The following TEX10 variants were observed in gnomAD, a reference collection of about 807,000 sequenced individuals.
TEX10 encodes testis-expressed protein 10.
A neutral mutation model predicts 104.4 loss-of-function variants in TEX10; 24 were observed. That is an observed-to-expected ratio of 0.23 (90% confidence interval 0.17 to 0.32). TEX10 has a LOEUF of 0.32. Among genes scored for constraint, TEX10 ranks in the 10% least tolerant of loss-of-function variants. The probability of loss-of-function intolerance (pLI) is 1.00; values close to 1 mark genes in which losing one functional copy is unlikely to be tolerated. For missense variants in TEX10, 921 were observed against 1,083.9 expected, an observed-to-expected ratio of 0.85 and a Z score of 2.11; for synonymous variants, 396 against 393.4, an observed-to-expected ratio of 1.01 and a Z score of -0.08.
intron 4 of TEX10, among the ~76,000 whole-genome samples, chr9:100,343,763 TAC>T (rs1835232115): frequency 6.6e-6 from 1 of 152,176 alleles, no homozygotes; most frequent in African/African-American, 2.4e-5. Context: ...GAAAAATCTA[TAC>T]AGTTTCTGAG....
At chr9:100,311,583 A>G (rs1451511574) in intron 11 of TEX10, among the ~76,000 whole-genome samples, 1 of 152,236 alleles carries the variant, frequency 6.6e-6, no homozygotes, top group Non-Finnish European at 1.5e-5. Context: ...GAAATGTATC[A>G]CAGAAAAATA....
intron 11 of TEX10, among the ~76,000 whole-genome samples, chr9:100,314,646 T>C (rs181592380): frequency 6.6e-6 from 1 of 152,194 alleles, no homozygotes. Flanking sequence ...CTATCAATCT[T>C]ATCATTTTGA....
In TEX10 at chr9:100,352,877, G is replaced by C; in HGVS notation, c.-115C>G. ...CCGCCGACCTCAGGCTCTAGCTCCC[G>C]GAGCGTGTTTTCAAATAGCCTCGTC... is the stretch of plus-strand genomic sequence containing the variant. On this transcript the variant is annotated 5_prime_UTR_variant, in exon 1 of 15. Transcript: ENST00000374902. 1.0e-6 allele frequency: 1 copy of C among 998,122 alleles called. No homozygotes were observed. The highest frequency in any genetic ancestry group is 4.5e-5 in the South Asian group (1 of 22,168). 61.8% of individuals were successfully genotyped at this position (998,122 alleles called of 1,614,324 possible).
chr9:100,334,719 CA>C (rs1473291547), intron 5 of TEX10, among the ~76,000 whole-genome samples: 1 of 150,078 alleles, frequency 6.7e-6, no homozygotes, highest in Non-Finnish European at 1.5e-5. Flanking sequence ...GGCCAGAGTA[CA>C]GTGGCACTAT....
Position 100,326,471 on chromosome 9 carries a change from C to T in TEX10, c.1810G>A (p.Glu604Lys), listed in dbSNP as rs150978401. ...GCAGGGAGAACCACCACAGCACCTT[C>T]TTGTGGATCTAGTGAGGTGGATAGA... ...ATALRIYDPQEGAVVVLPADS... is the reference protein window; with the variant it reads ...ATALRIYDPQKGAVVVLPADS... The change falls in exon 9 of 15, where the codon GAA (glutamate) becomes AAA (lysine). Residue 604 changes from glutamate to lysine, a missense_variant. Coordinates refer to ENST00000374902, the MANE Select transcript of TEX10 (RefSeq NM_017746.4). 3.2e-5 allele frequency: 51 copies of T among 1,612,836 alleles called. No homozygotes were observed. In the East Asian group the frequency reaches 1.1e-3, roughly 35 times the overall value.
chr9:100,346,798 G>C lies in TEX10; in HGVS notation c.789C>G (p.Asn263Lys), dbSNP rs1488494312. Residue 263 changes from asparagine (N) to lysine (K), a missense_variant, in exon 3 of 15, where the codon AAC (asparagine) becomes AAG (lysine). Physicochemically the swap from Asn to Lys is moderately conservative, Grantham distance 94. Transcript: ENST00000374902. Reference protein sequence around the residue: ...EQKENPHATSNSIFINWKEHA... With the variant: ...EQKENPHATSKSIFINWKEHA... Reference sequence around the variant, plus strand: ...GTTCCTTCCAGTTGATAAAAATGGAGTTGCTAGTGGCATGGGGATTTTCTT... The same window carrying C: ...GTTCCTTCCAGTTGATAAAAATGGACTTGCTAGTGGCATGGGGATTTTCTT... 1 of 1,614,168 alleles carries C rather than the reference G, an allele frequency of 6.2e-7. No homozygotes were observed. The highest frequency in any genetic ancestry group is 8.5e-7 in the Non-Finnish European group (1 of 1,180,016).
intron 8 of TEX10, among the ~76,000 whole-genome samples, chr9:100,327,182 A>G (rs1403191677): frequency 6.6e-6 from 1 of 152,162 alleles, no homozygotes; most frequent in Non-Finnish European, 1.5e-5. Context: ...GAAGAAAGGA[A>G]TAAGGATGAA....
intron 4 of TEX10, among the ~76,000 whole-genome samples, chr9:100,341,831 T>TA (rs1835182058): frequency 6.6e-6 from 1 of 152,216 alleles, no homozygotes; most frequent in Non-Finnish European, 1.5e-5. Flanking sequence ...TTGCTAGAGT[T>TA]AGACTGTGAG....
At chr9:100,339,786 T>A (rs987886368) in intron 5 of TEX10, among the ~76,000 whole-genome samples, 2 of 151,998 alleles carry the variant, frequency 1.3e-5, no homozygotes, top group African/African-American at 4.8e-5. Context: ...TTTTTTTTTT[T>A]AACTTTCACC....
intron 5 of TEX10, among the ~76,000 whole-genome samples, chr9:100,337,401 T>A (rs761089446): frequency 6.6e-6 from 1 of 152,230 alleles, no homozygotes; most frequent in Non-Finnish European, 1.5e-5. Context: ...AAATTATACA[T>A]GGAATGCCTT....
intron 13 of TEX10, 163 bp from the exon 14 acceptor site, chr9:100,304,005 A>G: frequency 1.5e-6 from 1 of 654,726 alleles, no homozygotes. Context: ...CAATAGCCAC[A>G]CACACACACT....
intron 8 of TEX10, among the ~76,000 whole-genome samples, chr9:100,327,059 G>A (rs1834723198): frequency 6.6e-6 from 1 of 152,056 alleles, no homozygotes; most frequent in Non-Finnish European, 1.5e-5. Flanking sequence ...AAAATATTAT[G>A]CTAAGTGAAA....
At position 100,308,509 on chromosome 9, in the gene TEX10, A is replaced by G. The variant is rs1834195584; in HGVS notation, c.2456T>C (p.Leu819Pro). Residue 819 changes from leucine (L) to proline (P), a missense_variant, in exon 13 of 15, where the codon CTA becomes CCA. Coordinates refer to ENST00000374902, the MANE Select transcript of TEX10 (RefSeq NM_017746.4). ...AATAAAAAATAATTACCTCTTTCTT[A>G]GATGTTCTGCTTCCCCTTTCTCTAT... The part of the protein sequence containing the change: ...LTIEKGEAEH[L>P]RKRDKLWGVC... 2 of 1,586,134 alleles carry G rather than the reference A, an allele frequency of 1.3e-6. No homozygotes were observed. The highest frequency in any genetic ancestry group is 1.7e-6 in the Non-Finnish European group (2 of 1,171,334).
At chr9:100,328,103 AAC>A in intron 7 of TEX10, 141 bp from the exon 8 acceptor site, 1 of 612,994 alleles carries the variant, frequency 1.6e-6, no homozygotes, top group Non-Finnish European at 2.5e-6. Flanking sequence ...TATTCATTTA[AAC>A]ATTTGAGAAC....
Position 100,352,940 on chromosome 9 carries a change from A to T in TEX10, c.-178T>A. 1.0e-6 allele frequency: 1 copy of T among 991,630 alleles called. No individual in the cohort carries two copies. Among genetic ancestry groups the T allele is most frequent in the Non-Finnish European group, 1.2e-6 (1 of 834,630 alleles). The allele number at this position is 991,630 out of a possible 1,614,324, so 61.4% of individuals were successfully genotyped here. ...CGTCTCCTTCCGCCGCCCGGAAATC[A>T]GGGCCCCTCCCCCTCCCTGCTGTGC... On this transcript the variant is annotated 5_prime_UTR_variant, in exon 1 of 15. Transcript: ENST00000374902.
chr9:100,340,998 G>A (rs1454707733), intron 4 of TEX10, among the ~76,000 whole-genome samples: 4 of 151,554 alleles, frequency 2.6e-5, no homozygotes, highest in South Asian at 2.1e-4. Flanking sequence ...ATGAAGTCTC[G>A]CTCTGTCGCC....
intron 13 of TEX10, among the ~76,000 whole-genome samples, chr9:100,308,171 T>C (rs999830418): frequency 2.0e-5 from 3 of 152,222 alleles, no homozygotes; most frequent in Admixed American, 1.3e-4. Context: ...TTGGTACTAA[T>C]AGCCCATCCT....
Position 100,303,669 on chromosome 9 carries a change from T to C in TEX10, c.2639A>G (p.Asn880Ser), listed in dbSNP as rs141213212. 11 of 1,613,968 alleles carry C rather than the reference T, an allele frequency of 6.8e-6. No individual in the cohort carries two copies. Among genetic ancestry groups the C allele is most frequent in the African/African-American group, 6.7e-5 (5 of 74,878 alleles). The change falls in exon 14 of 15, where the codon AAT becomes AGT. Residue 880 changes from asparagine (N) to serine (S), a missense_variant. By Grantham distance (46) the Asn-to-Ser change is conservative. Around this residue, in one of 3 missense-constraint regions of TEX10, gnomAD observed 753 missense variants for 868.4 expected, o/e 0.87. Transcript: ENST00000374902. ...HAPLRTHMLT[N>S]AILVQQIIKN... ...GATGATCTGCTGCACCAAGATCGCA[T>C]TGGTCAACATATGAGTCCTGAGGGG...
At chr9:100,329,828 C>T in intron 6 of TEX10, 103 bp downstream of exon 6, 3 of 991,546 alleles carry the variant, frequency 3.0e-6, no homozygotes, top group Non-Finnish European at 4.5e-6. Flanking sequence ...TACAATTAGC[C>T]TGACTACATG....
Sources: gnomAD v4.1 joint callset for allele counts (sites outside exome capture counted in the v4.1 genomes callset) on GRCh38, gnomAD v4.1.1 for gene constraint, gnomAD v4.1.1 regional missense constraint, MANE v1.5 for transcripts, NCBI Gene and HGNC (gene_info 2026-07-23, HGNC 2026-07-21) for gene names.